The following SESN1 variants were observed in gnomAD, a reference collection of about 807,000 sequenced individuals.
The protein encoded by SESN1 is sestrin 1.
Under a neutral mutation model 59.3 loss-of-function variants are expected in SESN1, and 30 were observed. That is an observed-to-expected ratio of 0.51 (90% CI 0.38 to 0.69). The LOEUF (loss-of-function observed/expected upper bound fraction) is 0.69. Among genes scored for constraint, SESN1 ranks in the 30% least tolerant of loss-of-function variants. SESN1 has a pLI of 0.00. For missense variants in SESN1, 566 were observed against 673.0 expected (o/e 0.84, Z 1.76); for synonymous variants, 197 against 219.9 (o/e 0.90, Z 0.92).
intron 1 of SESN1, among the ~76,000 whole-genome samples, chr6:109,054,619 A>C (rs970461886): frequency 1.3e-5 from 2 of 152,204 alleles, no homozygotes; most frequent in African/African-American, 4.8e-5. Flanking sequence ...AAAAAAAATA[A>C]TAGTCTCTCA....
intron 1 of SESN1, among the ~76,000 whole-genome samples, chr6:109,080,881 T>C (rs1380824311): frequency 1.3e-5 from 2 of 152,124 alleles, no homozygotes; most frequent in Non-Finnish European, 2.9e-5. Flanking sequence ...ACACAAGTAC[T>C]TAATACAGAC....
intron 1 of SESN1, chr6:109,008,916 G>A (rs557553600): frequency 2.0e-6 from 2 of 988,044 alleles, no homozygotes; most frequent in Admixed American, 6.1e-5. Context: ...GGAGGCAAAG[G>A]GGATGAAGGT....
intron 1 of SESN1, among the ~76,000 whole-genome samples, chr6:109,018,346 T>TTGTAAATG (rs1403973673): frequency 6.6e-6 from 1 of 152,230 alleles, no homozygotes; most frequent in Non-Finnish European, 1.5e-5. Context: ...TTGAACATTC[T>TTGTAAATG]TGTAAATGTA....
intron 1 of SESN1, among the ~76,000 whole-genome samples, chr6:109,077,134 C>A (rs1324440298): frequency 6.6e-6 from 1 of 152,154 alleles, no homozygotes; most frequent in Non-Finnish European, 1.5e-5. Context: ...TCTTATAGTA[C>A]CACTATTGTA....
intron 2 of SESN1, 44 bp from the exon 3 acceptor site, chr6:109,001,532 G>T: frequency 6.5e-7 from 1 of 1,543,744 alleles, no homozygotes; most frequent in Non-Finnish European, 8.9e-7. Flanking sequence ...TGGTAAATTG[G>T]TGTTAAGGGA....
intron 1 of SESN1, among the ~76,000 whole-genome samples, chr6:109,007,048 G>C (rs866782029): frequency 4.1e-4 from 62 of 152,160 alleles, no homozygotes; most frequent in African/African-American, 1.5e-3. Context: ...GGTGTGGCTG[G>C]AAGATTAACA....
intron 1 of SESN1, 28 bp from the exon 2 acceptor site, chr6:109,002,371 G>A (rs1779644824): frequency 1.3e-6 from 2 of 1,585,690 alleles, no homozygotes; most frequent in Non-Finnish European, 1.7e-6. Context: ...ACCATCTCAG[G>A]CCTTTGGCAG....
At chr6:109,081,693 C>T (rs887757762) in intron 1 of SESN1, among the ~76,000 whole-genome samples, 2 of 152,128 alleles carry the variant, frequency 1.3e-5, no homozygotes, top group African/African-American at 4.8e-5. Flanking sequence ...CTCCCATCCA[C>T]CCCAATTCAC....
chr6:109,066,927 G>A (rs1029400558), intron 1 of SESN1, among the ~76,000 whole-genome samples: 10 of 152,158 alleles, frequency 6.6e-5, no homozygotes, highest in African/African-American at 2.4e-4. Flanking sequence ...TCTCAGATCT[G>A]GAGGAAAAAG....
chr6:109,093,470 G>A lies in SESN1; in HGVS notation c.279+325C>T, dbSNP rs79405797. On this transcript the variant is annotated intron_variant, in intron 1 of 9. Transcript: ENST00000436639. ...TTTATCATTTTAGAGGCTTTTAAAT[G>A]TGAGCCTTTACACTCAGAACACTGT... 8.2e-3 allele frequency among the ~76,000 whole-genome samples: 1,250 copies of A among 152,144 alleles called. 24 individuals are homozygous for A. The highest frequency in any genetic ancestry group is 0.029 in the African/African-American group (1,202 of 41,508).
At chr6:109,089,003 A>T (rs532243101) in intron 1 of SESN1, among the ~76,000 whole-genome samples, 1 of 152,196 alleles carries the variant, frequency 6.6e-6, no homozygotes, top group Non-Finnish European at 1.5e-5. Context: ...GCTGATGTGG[A>T]ATCAATAAAT....
chr6:109,081,310 G>A (rs946459792), intron 1 of SESN1, among the ~76,000 whole-genome samples: 1 of 152,134 alleles, frequency 6.6e-6, no homozygotes, highest in African/African-American at 2.4e-5. Flanking sequence ...TGAACTCTGG[G>A]CTCAAGCAAT....
chr6:108,986,136 A>AT lies in SESN1; in HGVS notation c.*1407dup, dbSNP rs1002086925. 2.6e-5 allele frequency among the ~76,000 whole-genome samples: 4 copies of AT among 152,174 alleles called. No homozygotes were observed. Among genetic ancestry groups the AT allele is most frequent in the Admixed American group, 6.5e-5 (1 of 15,286 alleles). On this transcript the variant is annotated 3_prime_UTR_variant, in exon 10 of 10. Transcript: ENST00000436639. ...TATTTCTACTTGTCTGATGAGTGTC[A>AT]TTTTTTGTTCTGTAGTCTCTCCCTA...
At chr6:109,036,620 A>G (rs1361846274) in intron 1 of SESN1, among the ~76,000 whole-genome samples, 2 of 152,222 alleles carry the variant, frequency 1.3e-5, no homozygotes, top group African/African-American at 4.8e-5. Flanking sequence ...ATATGATATG[A>G]TAAAAAAAAT....
At chr6:109,009,708 C>A (rs1779821711) in intron 1 of SESN1, among the ~76,000 whole-genome samples, 1 of 152,050 alleles carries the variant, frequency 6.6e-6, no homozygotes, top group Non-Finnish European at 1.5e-5. Context: ...CGGTCTGACG[C>A]GGCGAGGTGA....
intron 1 of SESN1, among the ~76,000 whole-genome samples, chr6:109,063,766 G>A: frequency 6.6e-6 from 1 of 151,698 alleles, no homozygotes; most frequent in Non-Finnish European, 1.5e-5. Flanking sequence ...TCGTCACCAG[G>A]GGAGTTTTAA....
intron 1 of SESN1, among the ~76,000 whole-genome samples, chr6:109,045,306 G>A (rs948762283): frequency 1.1e-4 from 16 of 152,088 alleles, no homozygotes; most frequent in African/African-American, 2.7e-4. Flanking sequence ...AGATTAGAAC[G>A]ATAGCCTCCT....
intron 1 of SESN1, among the ~76,000 whole-genome samples, chr6:109,043,082 A>G (rs1780367068): frequency 6.6e-6 from 1 of 152,142 alleles, no homozygotes; most frequent in African/African-American, 2.4e-5. Flanking sequence ...CAGGCTAAGG[A>G]AGAAAAACCA....
At chr6:109,068,403 CTAAA>C (rs1170773185) in intron 1 of SESN1, among the ~76,000 whole-genome samples, 1 of 151,928 alleles carries the variant, frequency 6.6e-6, no homozygotes, top group African/African-American at 2.4e-5. Flanking sequence ...AACATGGCTG[CTAAA>C]TAAACATGTC....
Sources: allele counts gnomAD v4.1 joint callset (sites outside exome capture counted in the v4.1 genomes callset), GRCh38; gene constraint gnomAD v4.1.1; transcripts MANE v1.5; gene names NCBI Gene and HGNC (gene_info 2026-07-23, HGNC 2026-07-21).